ZNF618: variants seen among roughly 807,000 people sequenced by gnomAD.
ZNF618 encodes neural precursor cell expressed, developmentally down-regulated 10.
A neutral mutation model predicts 103.0 loss-of-function variants in ZNF618; 34 were observed. The observed-to-expected ratio is 0.33, with a 90% CI of 0.25 to 0.44. ZNF618 has a LOEUF of 0.44. Ranked by LOEUF, ZNF618 falls within the 20% of genes least tolerant of loss-of-function variation. The probability of loss-of-function intolerance (pLI) is 1.00; values close to 1 mark genes in which losing one functional copy is unlikely to be tolerated. For synonymous variants in ZNF618, 551 were observed against 542.2 expected, an observed-to-expected ratio of 1.02 and a Z score of -0.23; for missense variants, 1,059 against 1,295.4, an observed-to-expected ratio of 0.82 and a Z score of 2.80.
intron 3 of ZNF618, among the ~76,000 whole-genome samples, chr9:113,994,972 CA>C (rs1840428235): frequency 6.6e-6 from 1 of 150,456 alleles, no homozygotes; most frequent in African/African-American, 2.4e-5. Flanking sequence ...AACTGTGAAC[CA>C]ATTTTCAAAA....
intron 10 of ZNF618, among the ~76,000 whole-genome samples, chr9:114,022,698 T>G (rs1843178615): frequency 6.6e-6 from 1 of 152,022 alleles, no homozygotes. Context: ...CACTTTCTTT[T>G]TTAATTAGTT....
chr9:113,984,178 G>C (rs1388279337), intron 2 of ZNF618, among the ~76,000 whole-genome samples: 1 of 152,166 alleles, frequency 6.6e-6, no homozygotes, highest in East Asian at 1.9e-4. Context: ...CTGGAATTTC[G>C]GGAAGGGGAC....
chr9:113,915,591 T>C (rs1458509864), intron 1 of ZNF618, among the ~76,000 whole-genome samples: 1 of 152,200 alleles, frequency 6.6e-6, no homozygotes, highest in Admixed American at 6.5e-5. Flanking sequence ...AGGCTTTGTA[T>C]GCAAATGGCA....
At chr9:113,896,666 A>G (rs1830066409) in intron 1 of ZNF618, among the ~76,000 whole-genome samples, 1 of 151,992 alleles carries the variant, frequency 6.6e-6, no homozygotes, top group African/African-American at 2.4e-5. Context: ...GGCCTTAGAT[A>G]TATTATTAAG....
chr9:114,049,159 C>T lies in ZNF618; in HGVS notation c.1857C>T (p.Cys619=), dbSNP rs1289312055. The T allele has an allele frequency of 6.2e-7, 1 of 1,613,840 alleles. No homozygotes were observed. Among genetic ancestry groups the T allele is most frequent in the South Asian group, 1.1e-5 (1 of 91,080 alleles). The stretch of plus-strand genomic sequence containing the variant: ...TCAGGACAGTGTACGTGACGGATTG[C>T]CGGGTGAGCACGTCCGCCTTCTCCA... ...SEIRTVYVTD[C]RVSTSAFSKA... The change falls in exon 15 of 15, where the codon TGC becomes TGT. Residue 619 remains cysteine, a synonymous_variant. Transcript: ENST00000374126.
chr9:114,025,969 A>G (rs1229223064), intron 10 of ZNF618, among the ~76,000 whole-genome samples: 1 of 152,210 alleles, frequency 6.6e-6, no homozygotes, highest in African/African-American at 2.4e-5. Flanking sequence ...CTCTTGGAGC[A>G]TACACGCTAA....
chr9:114,013,901 C>T (rs975994414), intron 9 of ZNF618, among the ~76,000 whole-genome samples: 1 of 152,178 alleles, frequency 6.6e-6, no homozygotes. Context: ...GAGAATTTCT[C>T]CAGCAAGCTA....
At chr9:113,931,567 G>A (rs1008999418) in intron 1 of ZNF618, among the ~76,000 whole-genome samples, 2 of 152,140 alleles carry the variant, frequency 1.3e-5, no homozygotes, top group African/African-American at 4.8e-5. Context: ...TTTAGGTGTG[G>A]GAAGGACCAG....
intron 1 of ZNF618, among the ~76,000 whole-genome samples, chr9:113,914,260 G>A (rs551221156): frequency 6.6e-6 from 1 of 152,130 alleles, no homozygotes; most frequent in African/African-American, 2.4e-5. Flanking sequence ...TTCTAAGTCG[G>A]GTTTCCTTAA....
chr9:113,996,188 A>G (rs1053702416), intron 3 of ZNF618, among the ~76,000 whole-genome samples: 10 of 152,158 alleles, frequency 6.6e-5, no homozygotes, highest in African/African-American at 2.4e-4. Context: ...ATCCCCTGTC[A>G]TTCGGCAAGC....
intron 1 of ZNF618, among the ~76,000 whole-genome samples, chr9:113,922,199 A>G (rs1199507778): frequency 1.3e-5 from 2 of 152,242 alleles, no homozygotes; most frequent in African/African-American, 2.4e-5. Flanking sequence ...CCAGGGGACA[A>G]TTTATGCAGA....
At chr9:114,020,942 T>C (rs1280642009) in intron 10 of ZNF618, among the ~76,000 whole-genome samples, 1 of 151,998 alleles carries the variant, frequency 6.6e-6, no homozygotes, top group African/African-American at 2.4e-5. Flanking sequence ...AGATGCCCAT[T>C]ATCAGTTGAA....
intron 1 of ZNF618, among the ~76,000 whole-genome samples, chr9:113,951,935 A>C (rs1835818469): frequency 6.6e-6 from 1 of 152,122 alleles, no homozygotes; most frequent in East Asian, 1.9e-4. Context: ...TCAGACATTG[A>C]TGAGCTTGGA....
At chr9:114,025,733 C>A (rs913233698) in intron 10 of ZNF618, among the ~76,000 whole-genome samples, 6 of 152,140 alleles carry the variant, frequency 3.9e-5, no homozygotes, top group African/African-American at 1.4e-4. Flanking sequence ...TGCCTTATAC[C>A]TTTGGGACCA....
chr9:114,002,593 C>A (rs767626840), intron 5 of ZNF618, 31 bp from the exon 6 acceptor site: 2 of 1,594,828 alleles, frequency 1.3e-6, no homozygotes, highest in Non-Finnish European at 1.7e-6. Flanking sequence ...CCGGTAGCCC[C>A]ACCCCCATCC....
At chr9:113,991,871 G>A (rs771496372) in intron 3 of ZNF618, among the ~76,000 whole-genome samples, 22 of 152,282 alleles carry the variant, frequency 1.4e-4, no homozygotes, top group Admixed American at 1.1e-3. Flanking sequence ...GACAAGGGAC[G>A]TGTGGAGCTG....
At chr9:114,025,480 A>G (rs1314204294) in intron 10 of ZNF618, among the ~76,000 whole-genome samples, 2 of 152,250 alleles carry the variant, frequency 1.3e-5, no homozygotes, top group East Asian at 3.8e-4. Flanking sequence ...TCTTGTGTGT[A>G]GATACTGCAT....
chr9:113,928,274 A>G lies in ZNF618; in HGVS notation c.34-40843A>G, dbSNP rs77261635. On this transcript the variant is annotated intron_variant, in intron 1 of 14. Transcript: ENST00000374126. Reference sequence around the variant, plus strand: ...TTGTGTTTTCGTTTCATTCTTTCCTATAGTTTCCATCTCTTTGCTTATGTT... The same window carrying G: ...TTGTGTTTTCGTTTCATTCTTTCCTGTAGTTTCCATCTCTTTGCTTATGTT... Among the ~76,000 whole-genome samples the G allele has an allele frequency of 6.2e-4, 95 of 152,210 alleles. 1 individual carries two copies. The East Asian group carries it at 0.014, about 23-fold the overall frequency.
intron 1 of ZNF618, among the ~76,000 whole-genome samples, chr9:113,936,794 A>G (rs1184453736): frequency 6.6e-6 from 1 of 152,146 alleles, no homozygotes; most frequent in Non-Finnish European, 1.5e-5. Context: ...CATTATTTTT[A>G]AAAATGTGCT....
Sources: allele counts gnomAD v4.1 joint callset (sites outside exome capture counted in the v4.1 genomes callset), GRCh38; gene constraint gnomAD v4.1.1; transcripts MANE v1.5; gene names NCBI Gene and HGNC (gene_info 2026-07-23, HGNC 2026-07-21).